The following CCDC91 variants were observed in gnomAD, a reference collection of about 807,000 sequenced individuals.
The protein encoded by CCDC91 is coiled-coil domain-containing protein 91.
Under a neutral mutation model 63.2 loss-of-function variants are expected in CCDC91, and 48 were observed. The ratio of observed to expected loss-of-function variants is 0.76; its 90% CI spans 0.60 to 0.97. The LOEUF is 0.97. Among genes scored for constraint, CCDC91 ranks in the 50% least tolerant of loss-of-function variants. CCDC91 has a pLI of 0.00. For missense variants in CCDC91, 500 were observed against 494.6 expected (o/e 1.01, Z -0.10); for synonymous variants, 167 against 165.8 (o/e 1.01, Z -0.06).
chr12:28,330,634 T>C (rs1373632618), intron 6 of CCDC91, among the ~76,000 whole-genome samples: 2 of 152,042 alleles, frequency 1.3e-5, no homozygotes, highest in Non-Finnish European at 2.9e-5. Flanking sequence ...CCCATTTGTC[T>C]ATTTTGGTTT....
intron 3 of CCDC91, among the ~76,000 whole-genome samples, chr12:28,289,499 T>G (rs1379451698): frequency 6.6e-6 from 1 of 152,064 alleles, no homozygotes; most frequent in Non-Finnish European, 1.5e-5. Flanking sequence ...GTTGAGCTTT[T>G]TTCTTAGTTT....
At chr12:28,453,342 GAA>G (rs1949906617) in intron 11 of CCDC91, among the ~76,000 whole-genome samples, 1 of 151,808 alleles carries the variant, frequency 6.6e-6, no homozygotes, top group Non-Finnish European at 1.5e-5. Flanking sequence ...AAAAGCAAAA[GAA>G]TAACATTCAT....
intron 11 of CCDC91, among the ~76,000 whole-genome samples, chr12:28,474,809 A>G (rs1950998703): frequency 6.6e-6 from 1 of 152,114 alleles, no homozygotes; most frequent in South Asian, 2.1e-4. Context: ...AACAGAAATT[A>G]TAACAAACTG....
intron 12 of CCDC91, among the ~76,000 whole-genome samples, chr12:28,521,279 G>A (rs1330323478): frequency 6.6e-6 from 1 of 152,046 alleles, no homozygotes; most frequent in Non-Finnish European, 1.5e-5. Flanking sequence ...CCTTGAAGAG[G>A]TCCTTCACAT....
chr12:28,246,447 T>C (rs1945742716), intron 1 of CCDC91, among the ~76,000 whole-genome samples: 1 of 152,160 alleles, frequency 6.6e-6, no homozygotes, highest in African/African-American at 2.4e-5. Flanking sequence ...TAGACTTTTT[T>C]TTACAGGACC....
intron 3 of CCDC91, among the ~76,000 whole-genome samples, chr12:28,261,457 A>G (rs1946817432): frequency 6.6e-6 from 1 of 151,976 alleles, no homozygotes; most frequent in Non-Finnish European, 1.5e-5. Flanking sequence ...GTGCTGCAAC[A>G]CAGAAATTAG....
chr12:28,330,011 G>A (rs1420637220), intron 6 of CCDC91, among the ~76,000 whole-genome samples: 2 of 152,026 alleles, frequency 1.3e-5, no homozygotes, highest in Admixed American at 1.3e-4. Context: ...AATCCAGTGT[G>A]TCTTTGATGG....
intron 12 of CCDC91, among the ~76,000 whole-genome samples, chr12:28,518,274 C>T (rs1281396953): frequency 6.6e-6 from 1 of 151,954 alleles, no homozygotes; most frequent in Non-Finnish European, 1.5e-5. Context: ...GTTCTCTGTT[C>T]ACCACATCCA....
intron 1 of CCDC91, among the ~76,000 whole-genome samples, chr12:28,222,284 C>G (rs373031165): frequency 6.0e-5 from 9 of 150,538 alleles, no homozygotes; most frequent in African/African-American, 1.5e-4. Flanking sequence ...AGTGTAGAAC[C>G]ACAGGGGTGG....
intron 1 of CCDC91, among the ~76,000 whole-genome samples, chr12:28,195,868 G>A (rs1941720995): frequency 1.3e-5 from 2 of 152,176 alleles, no homozygotes; most frequent in South Asian, 4.1e-4. Flanking sequence ...ACTTTGGGAG[G>A]TCAAGGTGGG....
chr12:28,410,785 G>A (rs1947269866), intron 8 of CCDC91, among the ~76,000 whole-genome samples: 3 of 152,058 alleles, frequency 2.0e-5, no homozygotes, highest in African/African-American at 7.2e-5. Context: ...GCCTCCCAAA[G>A]TGCTGGGATT....
intron 7 of CCDC91, among the ~76,000 whole-genome samples, chr12:28,364,851 C>T (rs1944170421): frequency 6.6e-6 from 1 of 151,892 alleles, no homozygotes; most frequent in Non-Finnish European, 1.5e-5. Flanking sequence ...ATTATTTTAC[C>T]TTTTTTCCAT....
intron 4 of CCDC91, 102 bp downstream of exon 4, chr12:28,305,908 A>G: frequency 1.0e-6 from 1 of 992,496 alleles, no homozygotes; most frequent in Non-Finnish European, 1.5e-6. Context: ...ATTTGTCTAA[A>G]AGAAGTATTT....
rs1941756028 is a variant in CCDC91 at position 28,531,787 on chromosome 12, A to G, written c.1216-17276A>G. On this transcript the variant is annotated intron_variant, in intron 12 of 12. Transcript: ENST00000536442. ...TAGTCAGCTGCACCATGTGCCAGGT[A>G]CTGCTCTAGCCTTTGGAAATACAGA... Among the ~76,000 whole-genome samples the G allele has an allele frequency of 2.0e-5, 3 of 152,192 alleles. No individual in the cohort carries two copies. In the South Asian group the frequency reaches 6.2e-4, roughly 31 times the overall value.
intron 11 of CCDC91, among the ~76,000 whole-genome samples, chr12:28,477,937 C>A (rs1428838733): frequency 6.6e-6 from 1 of 152,140 alleles, no homozygotes; most frequent in Non-Finnish European, 1.5e-5. Context: ...AGGAGAACTA[C>A]AAACCACTGC....
At chr12:28,310,378 A>G (rs1277385281) in intron 6 of CCDC91, among the ~76,000 whole-genome samples, 1 of 152,028 alleles carries the variant, frequency 6.6e-6, no homozygotes, top group African/African-American at 2.4e-5. Context: ...TGGCATTATC[A>G]TTGTTGTCTC....
chr12:28,222,350 A>G (rs1350338503), intron 1 of CCDC91, among the ~76,000 whole-genome samples: 1 of 152,066 alleles, frequency 6.6e-6, no homozygotes, highest in Admixed American at 6.5e-5. Context: ...GCTATTGGTG[A>G]TATGTAGGAA....
At chr12:28,366,306 A>T (rs1360040011) in intron 7 of CCDC91, among the ~76,000 whole-genome samples, 1 of 152,164 alleles carries the variant, frequency 6.6e-6, no homozygotes, top group African/African-American at 2.4e-5. Flanking sequence ...TTTTTGTCCC[A>T]CTAAAGCACT....
intron 3 of CCDC91, among the ~76,000 whole-genome samples, chr12:28,273,559 A>G (rs1394289291): frequency 2.6e-5 from 4 of 151,814 alleles, no homozygotes; most frequent in East Asian, 1.9e-4. Flanking sequence ...GTATCTCATT[A>G]TGGTTTTGAT....
Sources: gnomAD v4.1 joint callset for allele counts (sites outside exome capture counted in the v4.1 genomes callset) on GRCh38, gnomAD v4.1.1 for gene constraint, MANE v1.5 for transcripts, NCBI Gene and HGNC (gene_info 2026-07-23, HGNC 2026-07-21) for gene names.